PEAK1: variants seen among roughly 807,000 people sequenced by gnomAD.
PEAK1 encodes the protein inactive tyrosine-protein kinase PEAK1.
In PEAK1, 54 loss-of-function variants were observed where a neutral mutation model predicts 124.7. The ratio of observed to expected loss-of-function variants is 0.43; its 90% CI spans 0.35 to 0.54. The LOEUF is 0.54. PEAK1 is among the 20% of genes least tolerant of loss of function. PEAK1 has a pLI of 0.01. For synonymous variants in PEAK1, 719 were observed against 760.0 expected (o/e 0.95, Z 0.89); for missense variants, 2,046 against 2,134.5 (o/e 0.96, Z 0.82).
At chr15:77,152,801 G>C (rs1416334804) in intron 8 of PEAK1, among the ~76,000 whole-genome samples, 1 of 152,022 alleles carries the variant, frequency 6.6e-6, no homozygotes, top group East Asian at 1.9e-4. Flanking sequence ...TTATTGATTT[G>C]CGAATGTTGA....
chr15:77,317,423 A>G (rs2064947358), intron 2 of PEAK1, among the ~76,000 whole-genome samples: 1 of 152,204 alleles, frequency 6.6e-6, no homozygotes, highest in African/African-American at 2.4e-5. Flanking sequence ...ATAATTCAGT[A>G]TATTTCCTTT....
intron 6 of PEAK1, among the ~76,000 whole-genome samples, chr15:77,222,268 CTTCT>C (rs1401605387): frequency 6.6e-6 from 1 of 151,994 alleles, no homozygotes; most frequent in Non-Finnish European, 1.5e-5. Flanking sequence ...TTCTTTCTCT[CTTCT>C]TGTTTGCTGC....
chr15:77,313,272 AAAAT>A (rs1348235662), intron 2 of PEAK1, among the ~76,000 whole-genome samples: 1 of 152,182 alleles, frequency 6.6e-6, no homozygotes, highest in African/African-American at 2.4e-5. Flanking sequence ...GATGAGCAAT[AAAAT>A]AAAGTAATAC....
At chr15:77,184,879 G>A (rs200432656) in intron 6 of PEAK1, among the ~76,000 whole-genome samples, 1 of 151,972 alleles carries the variant, frequency 6.6e-6, no homozygotes, top group African/African-American at 2.4e-5. Flanking sequence ...CACAGTCTAA[G>A]ACAAACAAAC....
intron 5 of PEAK1, among the ~76,000 whole-genome samples, chr15:77,265,367 G>T (rs962563698): frequency 1.2e-4 from 18 of 152,064 alleles, no homozygotes; most frequent in Admixed American, 3.3e-4. Flanking sequence ...CTGACAAAGG[G>T]CTAATATCCA....
At chr15:77,212,795 C>T (rs1025920613) in intron 6 of PEAK1, among the ~76,000 whole-genome samples, 23 of 152,186 alleles carry the variant, frequency 1.5e-4, no homozygotes, top group African/African-American at 5.1e-4. Flanking sequence ...ATGTTATGAG[C>T]CTGGCTTTTT....
In PEAK1 at chr15:77,181,363, C is replaced by T; in HGVS notation, c.564G>A (p.Leu188=). Reference sequence around the variant, plus strand: ...TGCAACTTGGTGGAAGCTTTCTTTCCAATGATCGTTTATAGCAATCATTTA... The same window carrying T: ...TGCAACTTGGTGGAAGCTTTCTTTCTAATGATCGTTTATAGCAATCATTTA... ...GRINDCYKRS[L]ERKLPPSCMI... The change falls in exon 7 of 10, where the codon TTG becomes TTA. Residue 188 remains leucine, a synonymous_variant. Transcript: ENST00000682557. 1 of 1,614,132 alleles carries T rather than the reference C, an allele frequency of 6.2e-7. No individual in the cohort carries two copies. Among genetic ancestry groups the T allele is most frequent in the South Asian group, 1.1e-5 (1 of 91,074 alleles).
At chr15:77,225,855 A>G (rs967935231) in intron 6 of PEAK1, among the ~76,000 whole-genome samples, 21 of 146,756 alleles carry the variant, frequency 1.4e-4, no homozygotes, top group African/African-American at 4.9e-4. Context: ...CACTGAGAAG[A>G]TATTGTGAAT....
rs563442326 is a variant in PEAK1, at chr15:77,286,399, A to AT, written c.-521+23dup. 89 of 1,133,580 alleles carry AT rather than the reference A, an allele frequency of 7.9e-5. No individual in the cohort carries two copies. The East Asian group carries it at 2.4e-3, about 31-fold the overall frequency. 70.2% of individuals were successfully genotyped at this position (1,133,580 alleles called of 1,614,324 possible). ...TTTAAGACCAGAATAAACATGTTACATTATGGAAAGAAAAAGTACAAACCT... is the reference window on the plus strand; with the variant it reads ...TTTAAGACCAGAATAAACATGTTACATTTATGGAAAGAAAAAGTACAAACCT... On this transcript the variant is annotated intron_variant, in intron 3 of 9. Coordinates refer to ENST00000682557, the MANE Select transcript of PEAK1 (RefSeq NM_001385026.1).
intron 8 of PEAK1, among the ~76,000 whole-genome samples, chr15:77,150,506 ATTTATTTAT>A (rs979781559): frequency 1.7e-4 from 25 of 148,962 alleles, no homozygotes; most frequent in African/African-American, 5.2e-4. Flanking sequence ...TAAAATAATT[ATTTATTTAT>A]TTTATTTTTA....
chr15:77,257,619 G>A (rs1018142493), intron 5 of PEAK1, among the ~76,000 whole-genome samples: 8 of 151,672 alleles, frequency 5.3e-5, no homozygotes, highest in Non-Finnish European at 1.5e-5. Context: ...TTTAGATTCT[G>A]GATATTAGCC....
chr15:77,207,661 G>T lies in PEAK1; in HGVS notation c.-114-25621C>A, dbSNP rs143178521. Among the ~76,000 whole-genome samples, 769 of 152,256 alleles carry T rather than the reference G, an allele frequency of 5.1e-3. 5 individuals are homozygous for T. Among genetic ancestry groups the T allele is most frequent in the African/African-American group, 0.017 (713 of 41,540 alleles). The stretch of plus-strand genomic sequence containing the variant: ...TGAGATAGTAAAAAGATCAGTGGTT[G>T]CCAGGAATAAGGGGGAACGGAGGAA... On this transcript the variant is annotated intron_variant, in intron 6 of 9. Coordinates refer to ENST00000682557, the MANE Select transcript of PEAK1 (RefSeq NM_001385026.1).
At chr15:77,247,388 ATTAT>A (rs2060635374) in intron 6 of PEAK1, among the ~76,000 whole-genome samples, 1 of 150,880 alleles carries the variant, frequency 6.6e-6, no homozygotes, top group Non-Finnish European at 1.5e-5. Context: ...GTTTGCTGAG[ATTAT>A]TTATTATGAA....
intron 5 of PEAK1, among the ~76,000 whole-genome samples, chr15:77,261,309 C>A (rs555117915): frequency 6.6e-6 from 1 of 152,136 alleles, no homozygotes; most frequent in Admixed American, 6.5e-5. Context: ...AGGCTTCAGA[C>A]GATCAAACTA....
In PEAK1 at chr15:77,133,000, C is replaced by G. The variant is rs748368294; in HGVS notation, c.4077+5G>C. 8 of 1,597,726 alleles carry G rather than the reference C, an allele frequency of 5.0e-6. 1 individual carries two copies. The South Asian group carries it at 8.9e-5, about 18-fold the overall frequency. ...CTTAACATGAGATTTATAATATTTT[C>G]TTACCTTGACTGCATAGTTATTAAG... On this transcript the variant is annotated splice_donor_5th_base_variant and intron_variant, in intron 9 of 9. Coordinates refer to ENST00000682557, the MANE Select transcript of PEAK1 (RefSeq NM_001385026.1).
intron 6 of PEAK1, among the ~76,000 whole-genome samples, chr15:77,225,191 T>A (rs574200146): frequency 6.6e-6 from 1 of 152,136 alleles, no homozygotes; most frequent in South Asian, 2.1e-4. Flanking sequence ...GTTAGAGGAA[T>A]TGAGATCTCA....
At chr15:77,406,519 C>T (rs1424312123) in intron 1 of PEAK1, among the ~76,000 whole-genome samples, 1 of 152,100 alleles carries the variant, frequency 6.6e-6, no homozygotes, top group African/African-American at 2.4e-5. Flanking sequence ...AATAACTCAA[C>T]CCCTTTTATA....
Position 77,158,588 on chromosome 15 carries a change from T to C in PEAK1, c.3246A>G (p.Leu1082=). 1 of 1,614,096 alleles carries C rather than the reference T, an allele frequency of 6.2e-7. No individual in the cohort carries two copies. The highest frequency in any genetic ancestry group is 1.1e-5 in the South Asian group (1 of 91,070). ...TTCCATCTTCCCTTTCCAGTTCAGG[T>C]AGGGACAATGCTGTTGTGACTGAAG... ...GCTSVTTALS[L]PELEREDGKE... The change falls in exon 8 of 10, where the codon CTA becomes CTG. Residue 1082 remains leucine, a synonymous_variant. Transcript: ENST00000682557.
At chr15:77,288,906 G>A (rs2063065989) in intron 2 of PEAK1, among the ~76,000 whole-genome samples, 1 of 143,654 alleles carries the variant, frequency 7.0e-6, no homozygotes, top group Non-Finnish European at 1.5e-5. Flanking sequence ...TCCAGCATGG[G>A]CACAAAGCAA....
Sources: gnomAD v4.1 joint callset for allele counts (sites outside exome capture counted in the v4.1 genomes callset) on GRCh38, gnomAD v4.1.1 for gene constraint, MANE v1.5 for transcripts, NCBI Gene and HGNC (gene_info 2026-07-23, HGNC 2026-07-21) for gene names.